Variants in E2F3 observed in about 807,000 individuals in gnomAD.
The protein encoded by E2F3 is E2F transcription factor 3, also known as transcription factor E2F3.
In E2F3, 11 loss-of-function variants were observed where a neutral mutation model predicts 44.4. The ratio of observed to expected loss-of-function variants is 0.25; its 90% CI spans 0.16 to 0.41. E2F3 has a LOEUF of 0.41. E2F3 is among the 10% of genes least tolerant of loss of function. The pLI, the probability that E2F3 is intolerant of heterozygous loss-of-function variation, is 1.00. For missense variants in E2F3, 487 were observed against 583.6 expected (o/e 0.83, Z 1.70); for synonymous variants, 249 against 253.0 (o/e 0.98, Z 0.15).
At chr6:20,474,502 G>T (rs1156986835) in intron 1 of E2F3, among the ~76,000 whole-genome samples, 1 of 152,108 alleles carries the variant, frequency 6.6e-6, no homozygotes, top group Non-Finnish European at 1.5e-5. Context: ...TGTTTTACTG[G>T]TAGGGGCCAT....
chr6:20,448,459 A>G (rs1374349977), intron 1 of E2F3, among the ~76,000 whole-genome samples: 2 of 152,052 alleles, frequency 1.3e-5, no homozygotes, highest in Non-Finnish European at 2.9e-5. Flanking sequence ...TAATATGTAT[A>G]TGTATACACA....
chr6:20,462,371 A>G (rs1309901155), intron 1 of E2F3, among the ~76,000 whole-genome samples: 2 of 151,578 alleles, frequency 1.3e-5, no homozygotes, highest in African/African-American at 4.8e-5. Context: ...TGACATCTTC[A>G]TGTATGTGTG....
At chr6:20,446,630 A>G (rs777044918) in intron 1 of E2F3, among the ~76,000 whole-genome samples, 2 of 152,164 alleles carry the variant, frequency 1.3e-5, no homozygotes, top group Non-Finnish European at 2.9e-5. Context: ...CAGTGGTGCA[A>G]TCTTGGCTCC....
chr6:20,464,843 G>T (rs1431775965), intron 1 of E2F3, among the ~76,000 whole-genome samples: 1 of 152,148 alleles, frequency 6.6e-6, no homozygotes, highest in Non-Finnish European at 1.5e-5. Context: ...CCTAACTGTA[G>T]CCTTCATTAG....
In E2F3 at chr6:20,403,889, T is replaced by G. The variant is rs374943241; in HGVS notation, c.393+1264T>G. ...ACGCCGCGGGGGCACCGGATTCTGT[T>G]GGGGGCTGAAGCGGTGAGGGTAGGC... On this transcript the variant is annotated intron_variant, in intron 1 of 6. Coordinates refer to ENST00000346618, the MANE Select transcript of E2F3 (RefSeq NM_001949.5). The G allele has an allele frequency of 2.6e-5, 30 of 1,148,692 alleles. No individual in the cohort carries two copies. The African/African-American group carries it at 4.4e-4, about 17-fold the overall frequency. The allele number at this position is 1,148,692 out of a possible 1,614,324, so 71.2% of individuals were successfully genotyped here.
intron 1 of E2F3, among the ~76,000 whole-genome samples, chr6:20,423,400 G>A (rs940558044): frequency 2.0e-5 from 3 of 152,166 alleles, no homozygotes; most frequent in Non-Finnish European, 4.4e-5. Flanking sequence ...AATCTTATGG[G>A]ACCACTGGAA....
chr6:20,473,916 G>A (rs1761966681), intron 1 of E2F3, among the ~76,000 whole-genome samples: 1 of 152,184 alleles, frequency 6.6e-6, no homozygotes, highest in Non-Finnish European at 1.5e-5. Flanking sequence ...TTGATGGGAA[G>A]AGTCGTCCTA....
At chr6:20,403,704 C>T (rs1759389093) in intron 1 of E2F3, 1 of 739,958 alleles carries the variant, frequency 1.4e-6, no homozygotes, top group Non-Finnish European at 2.1e-6. Flanking sequence ...CTCCTCTCCC[C>T]ACCCCCCCAC....
At chr6:20,449,200 A>G (rs887921818) in intron 1 of E2F3, among the ~76,000 whole-genome samples, 11 of 152,220 alleles carry the variant, frequency 7.2e-5, no homozygotes, top group African/African-American at 2.4e-4. Context: ...GATTTCAATA[A>G]CTATTACAAA....
chr6:20,402,068 C>A lies in E2F3; in HGVS notation c.-165C>A. 1 of 1,253,962 alleles carries A rather than the reference C, an allele frequency of 8.0e-7. No individual in the cohort carries two copies. Among genetic ancestry groups the A allele is most frequent in the Non-Finnish European group, 1.0e-6 (1 of 956,006 alleles). 77.7% of individuals were successfully genotyped at this position (1,253,962 alleles called of 1,614,324 possible). A position where few individuals can be genotyped will look rare whatever the true frequency, so the allele number is the denominator to read the frequency against. On this transcript the variant is annotated 5_prime_UTR_variant, in exon 1 of 7. In the 5' UTR this introduces an upstream ATG that the reference lacks. Coordinates refer to ENST00000346618, the MANE Select transcript of E2F3 (RefSeq NM_001949.5). This position sits in a 1 kb window ranked among gnomAD's most constrained non-coding sequence, Gnocchi z 5.6. ...CCCGATTATTTTTGGCCCCCGGGGC[C>A]TGTGCGGTGCGGAAAAATAAAAAGA...
At chr6:20,445,343 G>A (rs1760908021) in intron 1 of E2F3, among the ~76,000 whole-genome samples, 1 of 151,636 alleles carries the variant, frequency 6.6e-6, no homozygotes, top group African/African-American at 2.4e-5. Context: ...GGGTTCAAGC[G>A]ATTCTCCTGC....
intron 1 of E2F3, among the ~76,000 whole-genome samples, chr6:20,429,458 C>T (rs1252072949): frequency 6.6e-6 from 1 of 152,164 alleles, no homozygotes; most frequent in African/African-American, 2.4e-5. Flanking sequence ...ATTCCCCAAC[C>T]CTCATTCCTT....
At chr6:20,461,222 G>A (rs757301636) in intron 1 of E2F3, among the ~76,000 whole-genome samples, 19 of 152,022 alleles carry the variant, frequency 1.2e-4, no homozygotes, top group Non-Finnish European at 1.9e-4. Flanking sequence ...GGTCGGGCAC[G>A]GTGGCTCACT....
Position 20,419,333 on chromosome 6 carries a change from CGTTGAATTTTTATAT to C in E2F3, c.393+16709_393+16723del. ...TATTTCTGTAGGCTGCATTTCTAAG[CGTTGAATTTTTATAT>C]CACAGGGCATGTATATTAAAATGCT... On this transcript the variant is annotated intron_variant, in intron 1 of 6. Coordinates refer to ENST00000346618, the MANE Select transcript of E2F3 (RefSeq NM_001949.5). 2.0e-5 allele frequency among the ~76,000 whole-genome samples: 3 copies of C among 152,118 alleles called. No individual in the cohort carries two copies. The Middle Eastern group carries it at 0.01, about 517-fold the overall frequency.
At chr6:20,427,388 T>C (rs1760250221) in intron 1 of E2F3, among the ~76,000 whole-genome samples, 1 of 152,188 alleles carries the variant, frequency 6.6e-6, no homozygotes, top group Admixed American at 6.5e-5. Flanking sequence ...CTGAAACTAC[T>C]CCTGCAAAAT....
chr6:20,460,997 A>G (rs1247646108), intron 1 of E2F3, among the ~76,000 whole-genome samples: 1 of 3,186 alleles, frequency 3.1e-4, no homozygotes, highest in East Asian at 0.015. Context: ...CTCTATCTCC[A>G]AAAAAAAAAA....
intron 1 of E2F3, among the ~76,000 whole-genome samples, chr6:20,407,881 C>T (rs969821635): frequency 1.1e-4 from 17 of 152,218 alleles, no homozygotes; most frequent in African/African-American, 4.1e-4. Flanking sequence ...ATTGCCTATG[C>T]TCACCAGATC....
At chr6:20,484,203 G>GA (rs1255249856) in intron 4 of E2F3, among the ~76,000 whole-genome samples, 5 of 152,326 alleles carry the variant, frequency 3.3e-5, no homozygotes, top group African/African-American at 1.2e-4. Flanking sequence ...TGCAGAAAAT[G>GA]AAAGCTTCCT....
intron 1 of E2F3, among the ~76,000 whole-genome samples, chr6:20,409,400 CTTCTGTGGTTATATCAATTCTG>C (rs899811788): frequency 3.9e-5 from 6 of 152,170 alleles, no homozygotes; most frequent in Non-Finnish European, 7.3e-5. Flanking sequence ...GCAAATTTGT[CTTCTGTGGTTATATCAATTCTG>C]TTGCTCAAAA....
Sources: allele counts gnomAD v4.1 joint callset (sites outside exome capture counted in the v4.1 genomes callset), GRCh38; gene constraint gnomAD v4.1.1; non-coding constraint Gnocchi (gnomAD v3.1); transcripts MANE v1.5; gene names NCBI Gene and HGNC (gene_info 2026-07-23, HGNC 2026-07-21).